The following SMARCA2 variants were observed in gnomAD, a reference collection of about 807,000 sequenced individuals.
SMARCA2 encodes the protein SWI/SNF-related matrix-associated actin-dependent regulator of chromatin subfamily A member 2.
A neutral mutation model predicts 199.8 loss-of-function variants in SMARCA2; 61 were observed. The observed-to-expected ratio is 0.31, with a 90% CI of 0.25 to 0.38. The LOEUF (loss-of-function observed/expected upper bound fraction) is 0.38, where lower values mean the gene tolerates loss of function less well. Ranked by LOEUF, SMARCA2 falls within the 10% of genes least tolerant of loss-of-function variation. The pLI, the probability that SMARCA2 is intolerant of heterozygous loss-of-function variation, is 1.00. For missense variants in SMARCA2, 1,344 were observed against 2,012.2 expected (o/e 0.67, Z 6.35); for synonymous variants, 935 against 732.0 (o/e 1.28, Z -4.48).
At chr9:2,098,614 A>G (rs1200500960) in intron 21 of SMARCA2, among the ~76,000 whole-genome samples, 20 of 152,192 alleles carry the variant, frequency 1.3e-4, no homozygotes, top group Admixed American at 1.2e-3. Flanking sequence ...GAAAGTACCT[A>G]CATACTGGAG....
intron 5 of SMARCA2, 104 bp from the exon 6 acceptor site, chr9:2,054,493 G>C (rs1820262597): frequency 7.4e-7 from 1 of 1,357,460 alleles, no homozygotes. Context: ...TCTGGAATAT[G>C]TTTTGCCCCG....
chr9:2,097,579 T>G (rs1235903120), intron 21 of SMARCA2, 108 bp downstream of exon 21: 2 of 663,756 alleles, frequency 3.0e-6, no homozygotes, highest in Non-Finnish European at 5.1e-6. Flanking sequence ...ATTTAAAACA[T>G]GTTGGCGGAA....
intron 27 of SMARCA2, among the ~76,000 whole-genome samples, chr9:2,151,376 T>C (rs1825067383): frequency 6.6e-6 from 1 of 151,482 alleles, no homozygotes; most frequent in Non-Finnish European, 1.5e-5. Flanking sequence ...TGATGAGATG[T>C]GAAAATGGCA....
rs1307822936 is a variant in SMARCA2, at chr9:2,016,226, T to A, written c.-37+822T>A. 6.6e-6 allele frequency: 1 copy of A among 152,368 alleles called. No individual in the cohort carries two copies. Among genetic ancestry groups the A allele is most frequent in the African/African-American group, 2.4e-5 (1 of 41,448 alleles). The allele number at this position is 152,368 out of a possible 1,614,324, so 9.4% of individuals were successfully genotyped here. A position where few individuals can be genotyped will look rare whatever the true frequency, so the allele number is the denominator to read the frequency against. On this transcript the variant is annotated intron_variant, in intron 1 of 33. Transcript: ENST00000349721. This position sits in a 1 kb window ranked among gnomAD's most constrained non-coding sequence, Gnocchi z 5.6. ...GGGAGGCTGATTGGTAGGCAGGCCT[T>A]TAGGCAAAGGGGCTGCCAGGGGGCT...
Position 2,110,232 on chromosome 9 carries a change from T to G in SMARCA2, c.3293-22T>G. ...TTTCAGACAAGAGTTAATTGGCAAA[T>G]TAATTTTTCTGATCCCCTCAGGCAC... On this transcript the variant is annotated intron_variant, in intron 23 of 33. Transcript: ENST00000349721. This position sits in a 1 kb window ranked among gnomAD's most constrained non-coding sequence, Gnocchi z 4.8. The G allele has an allele frequency of 6.4e-7, 1 of 1,565,294 alleles. No homozygotes were observed. The highest frequency in any genetic ancestry group is 8.6e-7 in the Non-Finnish European group (1 of 1,159,256).
At chr9:2,173,672 G>C (rs1277670996) in intron 29 of SMARCA2, among the ~76,000 whole-genome samples, 1 of 152,112 alleles carries the variant, frequency 6.6e-6, no homozygotes, top group East Asian at 1.9e-4. Flanking sequence ...ATGCTTCCCA[G>C]AGTGAGTTCT....
At chr9:2,153,827 TGAGA>T (rs1290189462) in intron 27 of SMARCA2, among the ~76,000 whole-genome samples, 3 of 149,862 alleles carry the variant, frequency 2.0e-5, no homozygotes, top group Non-Finnish European at 3.0e-5. Flanking sequence ...TGTGTGTGTG[TGAGA>T]GAGAGAGATC....
intron 27 of SMARCA2, 95 bp downstream of exon 27, chr9:2,124,032 T>A (rs374007284): frequency 3.1e-6 from 3 of 959,184 alleles, no homozygotes; most frequent in Non-Finnish European, 4.9e-6. Context: ...TCTGAGGAGG[T>A]TGAGTTCGCA....
chr9:2,093,035 C>T (rs748649812), intron 19 of SMARCA2, among the ~76,000 whole-genome samples: 1 of 152,120 alleles, frequency 6.6e-6, no homozygotes. Context: ...CTGTTGATTG[C>T]CTGCTCTGTA....
At chr9:2,076,376 G>A (rs772732955) in intron 13 of SMARCA2, 47 bp downstream of exon 13, 2 of 1,169,044 alleles carry the variant, frequency 1.7e-6, no homozygotes, top group East Asian at 2.3e-5. Flanking sequence ...TGAGGATGAT[G>A]CTTAATGAAT....
intron 30 of SMARCA2, 87 bp downstream of exon 30, chr9:2,181,763 G>T (rs142015058): frequency 2.7e-6 from 2 of 748,822 alleles, no homozygotes; most frequent in Non-Finnish European, 4.7e-6. Flanking sequence ...GGAGCTGACC[G>T]CCACTGATGG....
At chr9:2,088,728 T>A in intron 19 of SMARCA2, 115 bp downstream of exon 19, 1 of 734,172 alleles carries the variant, frequency 1.4e-6, no homozygotes, top group Non-Finnish European at 2.3e-6. Flanking sequence ...TAGTTAATAG[T>A]ATCTTGAAAA....
chr9:2,048,402 C>G (rs940198843), intron 5 of SMARCA2, among the ~76,000 whole-genome samples: 6 of 152,142 alleles, frequency 3.9e-5, no homozygotes, highest in Non-Finnish European at 7.4e-5. Context: ...AGATACCTCT[C>G]ATAGTGTTGG....
At chr9:2,179,149 C>T (rs1434592698) in intron 29 of SMARCA2, among the ~76,000 whole-genome samples, 1 of 151,992 alleles carries the variant, frequency 6.6e-6, no homozygotes, top group East Asian at 1.9e-4. Context: ...TGGAATGGGT[C>T]ATAAAGAGGG....
At chr9:2,181,541 T>G (rs775173372) in intron 29 of SMARCA2, 30 bp from the exon 30 acceptor site, 2 of 1,048,258 alleles carry the variant, frequency 1.9e-6, no homozygotes, top group South Asian at 2.5e-5. Context: ...TTGATGTGGC[T>G]TGTTTTTGTT....
chr9:2,152,960 G>A (rs1825154220), intron 27 of SMARCA2, among the ~76,000 whole-genome samples: 1 of 152,150 alleles, frequency 6.6e-6, no homozygotes, highest in African/African-American at 2.4e-5. Context: ...ATTCAGCTAG[G>A]GAAATTGGTG....
At chr9:2,087,841 A>T (rs1196309252) in intron 18 of SMARCA2, among the ~76,000 whole-genome samples, 1 of 152,188 alleles carries the variant, frequency 6.6e-6, no homozygotes, top group African/African-American at 2.4e-5. Flanking sequence ...CTCAGTAGTT[A>T]ACTCACTGGC....
rs555924197 is a variant in SMARCA2, at chr9:2,115,666, C to T, written c.3457-156C>T. Among the ~76,000 whole-genome samples, 1 of 152,262 alleles carries T rather than the reference C, an allele frequency of 6.6e-6. No individual in the cohort carries two copies. The highest frequency in any genetic ancestry group is 1.9e-4 in the East Asian group (1 of 5,180). ...AACTAGGAATGACACTGAATTTTTC[C>T]AAACGTAGCTTGTGTGTTTTTAAAA... On this transcript the variant is annotated intron_variant, in intron 24 of 33. Transcript: ENST00000349721. This position sits in a 1 kb window ranked among gnomAD's most constrained non-coding sequence, Gnocchi z 6.0.
At chr9:2,191,562 G>A in intron 33 of SMARCA2, 154 bp downstream of exon 33, 1 of 796,770 alleles carries the variant, frequency 1.3e-6, no homozygotes, top group Non-Finnish European at 2.0e-6. Flanking sequence ...GATGTGAACG[G>A]AGCTGTATGA....
Sources: gnomAD v4.1 joint callset for allele counts (sites outside exome capture counted in the v4.1 genomes callset) on GRCh38, gnomAD v4.1.1 for gene constraint, Gnocchi (gnomAD v3.1) non-coding constraint, MANE v1.5 for transcripts, NCBI Gene and HGNC (gene_info 2026-07-23, HGNC 2026-07-21) for gene names.